The following ZMIZ1 variants were observed in gnomAD, a reference collection of about 807,000 sequenced individuals.
ZMIZ1 encodes zinc finger MIZ-type containing 1, also known as zinc finger MIZ domain-containing protein 1.
A neutral mutation model predicts 113.9 loss-of-function variants in ZMIZ1; 17 were observed. The ratio of observed to expected loss-of-function variants is 0.15; its 90% CI spans 0.10 to 0.22. The LOEUF is 0.22. ZMIZ1 is among the 10% of genes least tolerant of loss of function. ZMIZ1 has a pLI of 1.00. For synonymous variants in ZMIZ1, 607 were observed against 603.1 expected (o/e 1.01, Z -0.09); for missense variants, 1,059 against 1,477.8 (o/e 0.72, Z 4.65).
chr10:79,249,378 C>T (rs770663271), intron 7 of ZMIZ1, among the ~76,000 whole-genome samples: 3 of 152,226 alleles, frequency 2.0e-5, no homozygotes, highest in Non-Finnish European at 2.9e-5. Context: ...CTTGCATCCA[C>T]GCTGGGTGCT....
At chr10:79,278,432 CT>C (rs969215232) in intron 8 of ZMIZ1, among the ~76,000 whole-genome samples, 1,666 of 150,114 alleles carry the variant, frequency 0.011, 33 homozygotes, top group African/African-American at 0.039. Context: ...TATTTTAATT[CT>C]TTTTTTTAAT....
intron 24 of ZMIZ1, 58 bp downstream of exon 24, chr10:79,311,242 C>G: frequency 6.5e-7 from 1 of 1,544,984 alleles, no homozygotes; most frequent in Non-Finnish European, 8.7e-7. Flanking sequence ...CGGGACCTGC[C>G]CGAGAGAAGG....
chr10:79,165,996 GTGTGT>G (rs1846325765), intron 4 of ZMIZ1, among the ~76,000 whole-genome samples: 1 of 69,916 alleles, frequency 1.4e-5, no homozygotes, highest in African/African-American at 5.1e-5. Flanking sequence ...GTGTGTGTGT[GTGTGT>G]GGGCTCTCCC....
At chr10:79,260,910 T>C (rs1451625470) in intron 7 of ZMIZ1, among the ~76,000 whole-genome samples, 1 of 152,140 alleles carries the variant, frequency 6.6e-6, no homozygotes, top group East Asian at 1.9e-4. Context: ...CAAATCAGGG[T>C]AGTTGTCTCC....
intron 8 of ZMIZ1, 40 bp from the exon 9 acceptor site, chr10:79,289,735 C>T: frequency 1.9e-6 from 3 of 1,579,820 alleles, no homozygotes; most frequent in Non-Finnish European, 2.6e-6. Flanking sequence ...GAGTCTGTGC[C>T]TGCCAGGCCC....
intron 1 of ZMIZ1, among the ~76,000 whole-genome samples, chr10:79,103,440 G>T (rs557063146): frequency 2.7e-4 from 41 of 152,264 alleles, no homozygotes; most frequent in Non-Finnish European, 5.0e-4. Flanking sequence ...CGCGGGGAGG[G>T]TGAACGGTGG....
chr10:79,090,154 T>C (rs555365190), intron 1 of ZMIZ1, among the ~76,000 whole-genome samples: 5 of 152,278 alleles, frequency 3.3e-5, no homozygotes, highest in Admixed American at 6.5e-5. Context: ...CTTGCTGTCA[T>C]TGAGTTTAGC....
At chr10:79,169,831 C>T (rs943311729) in intron 4 of ZMIZ1, among the ~76,000 whole-genome samples, 2 of 152,248 alleles carry the variant, frequency 1.3e-5, no homozygotes, top group Admixed American at 6.5e-5. Flanking sequence ...TACACAGCAC[C>T]AGTCCTCTCT....
chr10:79,166,848 G>A (rs181488487), intron 4 of ZMIZ1, among the ~76,000 whole-genome samples: 4 of 152,208 alleles, frequency 2.6e-5, no homozygotes, highest in African/African-American at 7.2e-5. Flanking sequence ...AAGCTCCCTC[G>A]GTCCCCGGCC....
intron 23 of ZMIZ1, among the ~76,000 whole-genome samples, chr10:79,310,034 A>G (rs973583666): frequency 6.6e-6 from 1 of 152,126 alleles, no homozygotes; most frequent in Non-Finnish European, 1.5e-5. Flanking sequence ...ACCCACCCAC[A>G]GACAGCCCAG....
At chr10:79,305,360 T>A in intron 20 of ZMIZ1, 129 bp downstream of exon 20, 1 of 1,255,180 alleles carries the variant, frequency 8.0e-7, no homozygotes, top group Non-Finnish European at 1.2e-6. Context: ...GGGCTCAGGT[T>A]ATGGGGGCTC....
chr10:79,247,005 T>A (rs1850244657), intron 7 of ZMIZ1, among the ~76,000 whole-genome samples: 2 of 152,226 alleles, frequency 1.3e-5, no homozygotes, highest in Non-Finnish European at 2.9e-5. Context: ...CCTGGTTTCC[T>A]GCTCCAGCCC....
intron 2 of ZMIZ1, among the ~76,000 whole-genome samples, chr10:79,134,848 G>A (rs370227171): frequency 1.3e-5 from 2 of 150,156 alleles, no homozygotes; most frequent in East Asian, 1.9e-4. Flanking sequence ...TTTTTTTTGA[G>A]ATGGAGTTTC....
At chr10:79,078,000 C>T (rs945817002) in intron 1 of ZMIZ1, among the ~76,000 whole-genome samples, 13 of 152,230 alleles carry the variant, frequency 8.5e-5, no homozygotes, top group African/African-American at 3.1e-4. Context: ...TGATCTCCAA[C>T]TCCCTGCCGT....
chr10:79,147,892 C>T (rs1161842540), intron 3 of ZMIZ1, among the ~76,000 whole-genome samples: 1 of 152,192 alleles, frequency 6.6e-6, no homozygotes, highest in African/African-American at 2.4e-5. Context: ...GCCCTGGGCT[C>T]GGACACCTGG....
Position 79,162,060 on chromosome 10 carries a change from G to C in ZMIZ1, c.-123G>C. The C allele has an allele frequency of 2.5e-6, 1 of 399,288 alleles. No individual in the cohort carries two copies. The highest frequency in any genetic ancestry group is 4.4e-6 in the Non-Finnish European group (1 of 226,242). 24.7% of individuals were successfully genotyped at this position (399,288 alleles called of 1,614,324 possible). A position where few individuals can be genotyped will look rare whatever the true frequency, so the allele number is the denominator to read the frequency against. ...CTCCCACTTTCATTGCAGCAGGATGGAGCTGGAGTGAGGTGGAGGGGCCGC... is the reference window on the plus strand; with the variant it reads ...CTCCCACTTTCATTGCAGCAGGATGCAGCTGGAGTGAGGTGGAGGGGCCGC... On this transcript the variant is annotated 5_prime_UTR_variant, in exon 4 of 25. Transcript: ENST00000334512.
At chr10:79,109,619 C>T (rs1405504790) in intron 1 of ZMIZ1, among the ~76,000 whole-genome samples, 2 of 152,220 alleles carry the variant, frequency 1.3e-5, no homozygotes, top group African/African-American at 4.8e-5. Context: ...CCCTTTGTTT[C>T]TCCCCACCAT....
At chr10:79,215,686 G>A (rs1616493) in intron 6 of ZMIZ1, among the ~76,000 whole-genome samples, 102,452 of 151,850 alleles carry the variant, frequency 0.67, 34,744 homozygotes, top group East Asian at 0.78. Flanking sequence ...CCCCCCTGTG[G>A]TGCTGATAGC....
At chr10:79,090,668 T>C (rs1165244578) in intron 1 of ZMIZ1, among the ~76,000 whole-genome samples, 1 of 152,198 alleles carries the variant, frequency 6.6e-6, no homozygotes, top group Non-Finnish European at 1.5e-5. Flanking sequence ...GAGCCAGCAG[T>C]GTGCAGCGGT....
Sources: gnomAD v4.1 joint callset for allele counts (sites outside exome capture counted in the v4.1 genomes callset) on GRCh38, gnomAD v4.1.1 for gene constraint, MANE v1.5 for transcripts, NCBI Gene and HGNC (gene_info 2026-07-23, HGNC 2026-07-21) for gene names.